Variants in CSMD3 observed in about 807,000 individuals in gnomAD.
The protein encoded by CSMD3 is CUB and sushi domain-containing protein 3.
Under a neutral mutation model 435.2 loss-of-function variants are expected in CSMD3, and 177 were observed. The observed-to-expected ratio is 0.41, with a 90% CI of 0.36 to 0.46. CSMD3 has a LOEUF of 0.46. Ranked by LOEUF, CSMD3 falls within the 20% of genes least tolerant of loss-of-function variation. CSMD3 has a pLI of 0.34. For synonymous variants in CSMD3, 1,656 were observed against 1,520.5 expected (o/e 1.09, Z -2.07); for missense variants, 4,265 against 4,504.6 (o/e 0.95, Z 1.52).
intron 10 of CSMD3, among the ~76,000 whole-genome samples, chr8:112,915,963 T>C (rs952202169): frequency 1.3e-5 from 2 of 151,814 alleles, no homozygotes; most frequent in African/African-American, 2.4e-5. Context: ...TCAGAATATT[T>C]AGAATTTGCA....
intron 20 of CSMD3, among the ~76,000 whole-genome samples, chr8:112,643,740 T>C (rs1026421933): frequency 6.6e-6 from 1 of 151,740 alleles, no homozygotes; most frequent in African/African-American, 2.4e-5. Flanking sequence ...TACAAAGTCT[T>C]CTACCTCATT....
intron 12 of CSMD3, among the ~76,000 whole-genome samples, chr8:112,826,373 G>A (rs2079680865): frequency 6.6e-6 from 1 of 152,164 alleles, no homozygotes; most frequent in Non-Finnish European, 1.5e-5. Flanking sequence ...TCCCCTGAGA[G>A]CTCGGCAGGC....
At chr8:112,895,018 C>A (rs946026531) in intron 10 of CSMD3, among the ~76,000 whole-genome samples, 1 of 151,268 alleles carries the variant, frequency 6.6e-6, no homozygotes, top group African/African-American at 2.4e-5. Context: ...ACTTAGAAGG[C>A]TATAAGGCTA....
chr8:112,898,510 A>G (rs1446190107), intron 10 of CSMD3, among the ~76,000 whole-genome samples: 1 of 151,248 alleles, frequency 6.6e-6, no homozygotes, highest in African/African-American at 2.4e-5. Context: ...AACTTCATTT[A>G]CTTCTTATTT....
intron 32 of CSMD3, among the ~76,000 whole-genome samples, chr8:112,462,592 T>C (rs1423322203): frequency 1.3e-5 from 2 of 152,188 alleles, no homozygotes; most frequent in Non-Finnish European, 2.9e-5. Flanking sequence ...TAGAGCATAT[T>C]ATAGTGAAAT....
chr8:112,528,859 C>T (rs1032079369), intron 27 of CSMD3, among the ~76,000 whole-genome samples: 1 of 152,066 alleles, frequency 6.6e-6, no homozygotes, highest in Non-Finnish European at 1.5e-5. Context: ...GCACATGTAG[C>T]ACCCCAACCA....
At chr8:112,299,861 G>T (rs62514398) in intron 53 of CSMD3, among the ~76,000 whole-genome samples, 28,636 of 151,556 alleles carry the variant, frequency 0.19, 3,137 homozygotes, top group Middle Eastern at 0.34. Context: ...GGATGATCTT[G>T]TCTCCTTAGA....
intron 48 of CSMD3, 101 bp from the exon 49 acceptor site, chr8:112,314,153 C>G (rs1822249281): frequency 1.1e-6 from 1 of 902,164 alleles, no homozygotes; most frequent in South Asian, 1.5e-5. Context: ...GGTTAAATTG[C>G]TTCACCACCA....
intron 32 of CSMD3, among the ~76,000 whole-genome samples, chr8:112,438,603 A>C (rs910066106): frequency 2.0e-5 from 3 of 152,196 alleles, no homozygotes; most frequent in Non-Finnish European, 4.4e-5. Flanking sequence ...AAACCAAGAG[A>C]AAAAACTCTA....
intron 1 of CSMD3, among the ~76,000 whole-genome samples, chr8:113,361,236 G>A (rs1300039904): frequency 1.3e-5 from 2 of 152,018 alleles, no homozygotes; most frequent in Non-Finnish European, 2.9e-5. Context: ...ACTTAGCACT[G>A]ATGTTACACT....
intron 28 of CSMD3, 106 bp from the exon 29 acceptor site, chr8:112,506,935 C>G: frequency 1.0e-6 from 1 of 978,344 alleles, no homozygotes; most frequent in Non-Finnish European, 1.6e-6. Context: ...AGGCTTTGTA[C>G]AGACCTGAAT....
At chr8:112,429,121 A>AT (rs1386700041) in intron 32 of CSMD3, among the ~76,000 whole-genome samples, 1 of 152,060 alleles carries the variant, frequency 6.6e-6, no homozygotes, top group East Asian at 1.9e-4. Context: ...CATGCTGTAT[A>AT]ATGTATCTCT....
chr8:112,872,737 T>C (rs937773945), intron 10 of CSMD3, among the ~76,000 whole-genome samples: 1 of 152,042 alleles, frequency 6.6e-6, no homozygotes, highest in African/African-American at 2.4e-5. Context: ...GAATTACTTA[T>C]TTATTATGCT....
chr8:112,816,094 A>G (rs944644982), intron 12 of CSMD3, among the ~76,000 whole-genome samples: 1 of 152,196 alleles, frequency 6.6e-6, no homozygotes, highest in Non-Finnish European at 1.5e-5. Context: ...TGGCATATCT[A>G]CAGCTCATGA....
At chr8:113,231,353 T>C (rs2093084291) in intron 3 of CSMD3, among the ~76,000 whole-genome samples, 1 of 151,320 alleles carries the variant, frequency 6.6e-6, no homozygotes, top group African/African-American at 2.4e-5. Context: ...ATATATATCT[T>C]TCTAAAAGCA....
At position 112,666,390 on chromosome 8, in the gene CSMD3, A is replaced by G. The variant is rs200119134; in HGVS notation, c.2703T>C (p.Ala901=). The change falls in exon 17 of 71, where the codon GCT becomes GCC. Residue 901 remains alanine, a synonymous_variant. Coordinates refer to ENST00000297405, the MANE Select transcript of CSMD3 (RefSeq NM_198123.2). ...CGAPCGGHFS[A]PSGVILSPGW... ...CTGGTGAGAGAATCACTCCACTGGGAGCTGAAAAATGGCCACCACATGGGG... is the reference window on the plus strand; with the variant it reads ...CTGGTGAGAGAATCACTCCACTGGGGGCTGAAAAATGGCCACCACATGGGG... 4.0e-5 allele frequency: 65 copies of G among 1,612,522 alleles called. No homozygotes were observed. Among genetic ancestry groups the G allele is most frequent in the Non-Finnish European group, 2.2e-5 (26 of 1,179,254 alleles).
intron 42 of CSMD3, among the ~76,000 whole-genome samples, chr8:112,338,219 T>C (rs1824761562): frequency 6.6e-6 from 1 of 152,162 alleles, no homozygotes; most frequent in Non-Finnish European, 1.5e-5. Context: ...AGAAGTTAGT[T>C]TGTAAAATAA....
intron 3 of CSMD3, among the ~76,000 whole-genome samples, chr8:113,227,291 T>C (rs368943722): frequency 6.6e-6 from 1 of 151,514 alleles, no homozygotes; most frequent in African/African-American, 2.4e-5. Flanking sequence ...TAAAGAAAGG[T>C]TGTGGGGTCT....
chr8:112,335,472 T>C lies in CSMD3; in HGVS notation c.7022A>G (p.Asp2341Gly). ...EPIYDFITVW[D>G]GPDQNSPQIG... ...CTGAGGTGAATTTTGGTCTGGTCCA[T>C]CCCTATGAGACAAGGATTGGGAAAG... is the stretch of plus-strand genomic sequence containing the variant. Residue 2341 changes from aspartate to glycine, a missense_variant and splice_region_variant, in exon 45 of 71, where the codon GAT (aspartate) becomes GGT (glycine). Coordinates refer to ENST00000297405, the MANE Select transcript of CSMD3 (RefSeq NM_198123.2). 3 of 1,613,780 alleles carry C rather than the reference T, an allele frequency of 1.9e-6. No homozygotes were observed. Among genetic ancestry groups the C allele is most frequent in the Non-Finnish European group, 2.5e-6 (3 of 1,179,774 alleles).
Sources: allele counts gnomAD v4.1 joint callset (sites outside exome capture counted in the v4.1 genomes callset), GRCh38; gene constraint gnomAD v4.1.1; transcripts MANE v1.5; gene names NCBI Gene and HGNC (gene_info 2026-07-23, HGNC 2026-07-21).